MEIKIN: variants seen among roughly 807,000 people sequenced by gnomAD.
The protein encoded by MEIKIN is meiotic kinetochore factor, also known as meiosis-specific kinetochore protein.
At chr5:131,875,248 T>C (rs1267007814) in intron 9 of MEIKIN, among the ~76,000 whole-genome samples, 1 of 152,204 alleles carries the variant, frequency 6.6e-6, no homozygotes, top group Non-Finnish European at 1.5e-5. Flanking sequence ...GAAAACCCCA[T>C]CTTCTCAGCC....
At chr5:131,863,261 A>G (rs1750318748) in intron 9 of MEIKIN, among the ~76,000 whole-genome samples, 1 of 152,164 alleles carries the variant, frequency 6.6e-6, no homozygotes, top group Admixed American at 6.5e-5. Flanking sequence ...GTTAATATGT[A>G]TTCTGCAGTT....
intron 11 of MEIKIN, among the ~76,000 whole-genome samples, chr5:131,836,073 CCT>C (rs1377988509): frequency 6.6e-6 from 1 of 152,036 alleles, no homozygotes; most frequent in African/African-American, 2.4e-5. Flanking sequence ...TTAAAAGGCC[CCT>C]GTGTTGTTCC....
At chr5:131,938,955 G>A (rs1751827255) in intron 4 of MEIKIN, among the ~76,000 whole-genome samples, 3 of 152,192 alleles carry the variant, frequency 2.0e-5, no homozygotes, top group East Asian at 1.9e-4. Flanking sequence ...TTACCAGAAC[G>A]CACAAATTCC....
At chr5:131,835,974 T>C (rs939891879) in intron 11 of MEIKIN, among the ~76,000 whole-genome samples, 3 of 152,126 alleles carry the variant, frequency 2.0e-5, no homozygotes, top group African/African-American at 7.2e-5. Context: ...TGGGGGTTTG[T>C]TGCACAGATT....
At position 131,933,995 on chromosome 5, in the gene MEIKIN, G is replaced by A. The variant is rs1410895336; in HGVS notation, c.350-354C>T. 3.3e-5 allele frequency among the ~76,000 whole-genome samples: 5 copies of A among 151,948 alleles called. No individual in the cohort carries two copies. In the East Asian group the frequency reaches 7.7e-4, roughly 24 times the overall value. ...GAGTCTCACTCTATAGCCCAGGGTG[G>A]AGTGCAGTAGCACGATTTTGGCTCA... On this transcript the variant is annotated intron_variant, in intron 4 of 12. Coordinates refer to ENST00000442687, the MANE Select transcript of MEIKIN (RefSeq NM_001303622.2).
At chr5:131,840,478 A>T (rs1749885702) in intron 11 of MEIKIN, among the ~76,000 whole-genome samples, 1 of 152,170 alleles carries the variant, frequency 6.6e-6, no homozygotes, top group African/African-American at 2.4e-5. Flanking sequence ...TCTATCAAGG[A>T]CACCAGTGTG....
At chr5:131,879,231 A>G (rs571431768) in intron 8 of MEIKIN, among the ~76,000 whole-genome samples, 183 bp from the exon 9 acceptor site, 1 of 152,226 alleles carries the variant, frequency 6.6e-6, no homozygotes, top group Non-Finnish European at 1.5e-5. Context: ...TAATAAAAAC[A>G]TCCTTATCTT....
intron 11 of MEIKIN, among the ~76,000 whole-genome samples, chr5:131,850,487 A>G (rs937251091): frequency 2.6e-5 from 4 of 152,246 alleles, no homozygotes; most frequent in Admixed American, 6.5e-5. Context: ...ACAGACATAT[A>G]GATCAATGGA....
chr5:131,841,385 A>T (rs970581881), intron 11 of MEIKIN, among the ~76,000 whole-genome samples: 1 of 152,204 alleles, frequency 6.6e-6, no homozygotes, highest in African/African-American at 2.4e-5. Flanking sequence ...CATCAGCTAC[A>T]GCAGGGTGCT....
intron 4 of MEIKIN, among the ~76,000 whole-genome samples, chr5:131,937,349 T>C (rs1751798751): frequency 6.6e-6 from 1 of 152,176 alleles, no homozygotes; most frequent in African/African-American, 2.4e-5. Context: ...ACCTCACTGT[T>C]CCCTCTTCCC....
chr5:131,838,223 G>A (rs980942134), intron 11 of MEIKIN, among the ~76,000 whole-genome samples: 2 of 152,052 alleles, frequency 1.3e-5, no homozygotes, highest in Non-Finnish European at 1.5e-5. Flanking sequence ...TGGTGAATTA[G>A]CTTTTTGATA....
intron 11 of MEIKIN, among the ~76,000 whole-genome samples, chr5:131,822,862 G>C (rs1407934546): frequency 6.6e-6 from 1 of 151,148 alleles, no homozygotes; most frequent in African/African-American, 2.4e-5. Flanking sequence ...TATAGGACAA[G>C]CCGGGTGTTG....
At chr5:131,897,670 T>TATCCTTTCTTCCAC (rs1751076679) in intron 8 of MEIKIN, among the ~76,000 whole-genome samples, 1 of 152,186 alleles carries the variant, frequency 6.6e-6, no homozygotes, top group African/African-American at 2.4e-5. Flanking sequence ...TTCTTCCACT[T>TATCCTTTCTTCCAC]GATGAAATCG....
intron 8 of MEIKIN, among the ~76,000 whole-genome samples, chr5:131,891,573 G>T (rs1362606955): frequency 2.0e-5 from 3 of 152,120 alleles, no homozygotes; most frequent in African/African-American, 7.2e-5. Context: ...TTGCTTGGTA[G>T]ATCTTCCTCC....
chr5:131,878,765 C>G (rs1003401638), intron 9 of MEIKIN: 3 of 341,260 alleles, frequency 8.8e-6, no homozygotes, highest in African/African-American at 6.4e-5. Flanking sequence ...GTTCCAGTTA[C>G]TCAGGGGGTT....
At chr5:131,912,421 A>C (rs1004979841) in intron 7 of MEIKIN, among the ~76,000 whole-genome samples, 13 of 151,966 alleles carry the variant, frequency 8.6e-5, no homozygotes, top group Admixed American at 7.9e-4. Flanking sequence ...ACTTCTACAA[A>C]CTAGACAACC....
At chr5:131,928,091 T>C (rs1254640747) in intron 5 of MEIKIN, among the ~76,000 whole-genome samples, 2 of 148,888 alleles carry the variant, frequency 1.3e-5, no homozygotes, top group Admixed American at 6.7e-5. Context: ...TTGCAGTGAG[T>C]TGAGATCGCG....
chr5:131,849,947 T>C (rs1164360578), intron 11 of MEIKIN, among the ~76,000 whole-genome samples: 1 of 151,920 alleles, frequency 6.6e-6, no homozygotes, highest in African/African-American at 2.4e-5. Flanking sequence ...TTAAAAATTA[T>C]TAGAATAAAT....
At chr5:131,893,847 A>T (rs1379372976) in intron 8 of MEIKIN, among the ~76,000 whole-genome samples, 1 of 152,116 alleles carries the variant, frequency 6.6e-6, no homozygotes, top group East Asian at 1.9e-4. Flanking sequence ...CTCTGATGGT[A>T]GTTTCCTTCA....
Sources: allele counts gnomAD v4.1 joint callset (sites outside exome capture counted in the v4.1 genomes callset), GRCh38; gene constraint gnomAD v4.1.1; transcripts MANE v1.5; gene names NCBI Gene and HGNC (gene_info 2026-07-23, HGNC 2026-07-21).